PRKDC: variants seen among roughly 807,000 people sequenced by gnomAD.
The protein encoded by PRKDC is DNA-dependent protein kinase catalytic subunit.
In PRKDC, 82 loss-of-function variants were observed where a neutral mutation model predicts 486.9. That is an observed-to-expected ratio of 0.17 (90% CI 0.14 to 0.20). PRKDC has a LOEUF of 0.20. PRKDC is among the 10% of genes least tolerant of loss of function. The pLI, the probability that PRKDC is intolerant of heterozygous loss-of-function variation, is 1.00. For synonymous variants in PRKDC, 1,895 were observed against 1,837.0 expected (o/e 1.03, Z -0.81); for missense variants, 4,504 against 5,038.2 (o/e 0.89, Z 3.21).
Position 47,930,032 on chromosome 8 carries a change from A to G in PRKDC, c.1893-20T>C. 1 of 1,588,058 alleles carries G rather than the reference A, an allele frequency of 6.3e-7. No individual in the cohort carries two copies. On this transcript the variant is annotated intron_variant, in intron 17 of 85. Transcript: ENST00000314191. ...ATCTCTCTGTAAAAACAAATTAGAA[A>G]TTGAAGGTAGAAATTTGTATCATTC...
intron 54 of PRKDC, among the ~76,000 whole-genome samples, chr8:47,841,730 T>C (rs1589735204): frequency 1.3e-5 from 2 of 152,286 alleles, no homozygotes; most frequent in African/African-American, 4.8e-5. Flanking sequence ...AAGGCTGGTC[T>C]GGGAAGGGTG....
intron 21 of PRKDC, among the ~76,000 whole-genome samples, chr8:47,925,880 A>G (rs1031512904): frequency 2.0e-5 from 3 of 152,208 alleles, no homozygotes; most frequent in East Asian, 3.8e-4. Flanking sequence ...TGTTCCTGCA[A>G]TTGTTCTGGA....
chr8:47,861,003 C>A, intron 44 of PRKDC, 32 bp from the exon 45 acceptor site: 1 of 1,415,396 alleles, frequency 7.1e-7, no homozygotes, highest in South Asian at 1.3e-5. Flanking sequence ...CAATGTAAAA[C>A]ATTTTATAAT....
intron 25 of PRKDC, among the ~76,000 whole-genome samples, chr8:47,911,237 A>G (rs1445906351): frequency 6.6e-6 from 1 of 152,230 alleles, no homozygotes; most frequent in African/African-American, 2.4e-5. Context: ...GGCTCTGTCC[A>G]TGCAGAGTTT....
chr8:47,781,086 T>A (rs368765096), intron 80 of PRKDC, among the ~76,000 whole-genome samples: 1 of 152,202 alleles, frequency 6.6e-6, no homozygotes, highest in Non-Finnish European at 1.5e-5. Flanking sequence ...CTGGTACCTA[T>A]GTTAATCCTG....
chr8:47,946,039 C>A (rs1186422047), intron 7 of PRKDC, among the ~76,000 whole-genome samples: 2 of 150,042 alleles, frequency 1.3e-5, no homozygotes, highest in African/African-American at 4.9e-5. Flanking sequence ...ACTTTTTAAA[C>A]CCCCTCTTGG....
intron 43 of PRKDC, 104 bp downstream of exon 43, chr8:47,862,269 C>T (rs1447880864): frequency 7.2e-7 from 1 of 1,391,394 alleles, no homozygotes; most frequent in African/African-American, 1.5e-5. Flanking sequence ...AAACGAACCA[C>T]ATCTTTAATA....
chr8:47,810,549 T>C (rs2087304869), intron 68 of PRKDC, among the ~76,000 whole-genome samples: 1 of 152,116 alleles, frequency 6.6e-6, no homozygotes, highest in African/African-American at 2.4e-5. Flanking sequence ...AATTAACTGA[T>C]AAAAAGAATC....
At chr8:47,935,131 AAC>A (rs1371307011) in intron 13 of PRKDC, 73 bp from the exon 14 acceptor site, 3 of 1,074,398 alleles carry the variant, frequency 2.8e-6, no homozygotes, top group Middle Eastern at 2.2e-4. Flanking sequence ...AAAAAAAACA[AAC>A]AGTCATTATA....
intron 54 of PRKDC, among the ~76,000 whole-genome samples, 158 bp from the exon 55 acceptor site, chr8:47,840,347 G>A (rs2088112427): frequency 6.6e-6 from 1 of 152,242 alleles, no homozygotes; most frequent in Admixed American, 6.5e-5. Context: ...TCATGGACTA[G>A]ATTATCAAAT....
At chr8:47,836,575 T>C (rs2088030058) in intron 57 of PRKDC, 48 bp from the exon 58 acceptor site, 1 of 1,471,530 alleles carries the variant, frequency 6.8e-7, no homozygotes, top group Non-Finnish European at 9.3e-7. Context: ...AATGAAATAA[T>C]GCTCCTTTTT....
At chr8:47,774,999 C>A (rs539348415) in intron 85 of PRKDC, among the ~76,000 whole-genome samples, 1 of 151,982 alleles carries the variant, frequency 6.6e-6, no homozygotes, top group African/African-American at 2.4e-5. Flanking sequence ...ACCAGCCTGG[C>A]CAACATGGCG....
chr8:47,952,474 A>G (rs2090640540), intron 7 of PRKDC, among the ~76,000 whole-genome samples: 1 of 152,188 alleles, frequency 6.6e-6, no homozygotes, highest in African/African-American at 2.4e-5. Context: ...GAGATTAACT[A>G]TGGCTCTAAG....
rs2090286708 is a variant in PRKDC at position 47,933,175 on chromosome 8, T to G, written c.1624-3A>C. Reference sequence around the variant, plus strand: ...GCTTCATCTGCTAAAATAGAATCCTTTAAATAAAGAAAAACAATAAACTTC... The same window carrying G: ...GCTTCATCTGCTAAAATAGAATCCTGTAAATAAAGAAAAACAATAAACTTC... On this transcript the variant is annotated splice_polypyrimidine_tract_variant and splice_region_variant and intron_variant, in intron 15 of 85. Coordinates refer to ENST00000314191, the MANE Select transcript of PRKDC (RefSeq NM_006904.7). 1 of 1,486,148 alleles carries G rather than the reference T, an allele frequency of 6.7e-7. No individual in the cohort carries two copies. Among genetic ancestry groups the G allele is most frequent in the East Asian group, 2.5e-5 (1 of 40,094 alleles). 92.1% of individuals were successfully genotyped at this position (1,486,148 alleles called of 1,614,324 possible). A position where few individuals can be genotyped will look rare whatever the true frequency, so the allele number is the denominator to read the frequency against.
intron 34 of PRKDC, 85 bp from the exon 35 acceptor site, chr8:47,887,790 C>A (rs1022685805): frequency 7.2e-7 from 1 of 1,394,992 alleles, no homozygotes; most frequent in Non-Finnish European, 9.6e-7. Flanking sequence ...AAATAAAAAA[C>A]CCACTTCAGA....
chr8:47,896,032 CTG>C (rs2089573491), intron 30 of PRKDC, among the ~76,000 whole-genome samples: 2 of 152,066 alleles, frequency 1.3e-5, no homozygotes, highest in African/African-American at 4.8e-5. Flanking sequence ...GAGCAAGACT[CTG>C]TCTCGGGGGA....
intron 3 of PRKDC, 77 bp from the exon 4 acceptor site, chr8:47,956,025 T>C: frequency 9.3e-7 from 1 of 1,075,402 alleles, no homozygotes; most frequent in Non-Finnish European, 1.4e-6. Context: ...TGAAACTACT[T>C]CTCCAAGAGG....
rs771387184 is a variant in PRKDC, at chr8:47,902,807, CAA to C, written c.3043-14_3043-13del. ...TCCACAATTCCATCCTGAAACAAAA[CAA>C]AGAGACCTTGATTGTACTAATTTTT... is the stretch of plus-strand genomic sequence containing the variant. On this transcript the variant is annotated splice_polypyrimidine_tract_variant and intron_variant, in intron 26 of 85. Transcript: ENST00000314191. The C allele has an allele frequency of 5.7e-6, 9 of 1,585,882 alleles. No individual in the cohort carries two copies. Among genetic ancestry groups the C allele is most frequent in the Non-Finnish European group, 6.0e-6 (7 of 1,166,730 alleles).
intron 21 of PRKDC, among the ~76,000 whole-genome samples, chr8:47,926,454 G>A (rs938585903): frequency 2.6e-5 from 4 of 151,920 alleles, no homozygotes; most frequent in African/African-American, 9.7e-5. Flanking sequence ...TTTTTTTTCT[G>A]TATTTCTTTT....
Sources: allele counts gnomAD v4.1 joint callset (sites outside exome capture counted in the v4.1 genomes callset), GRCh38; gene constraint gnomAD v4.1.1; transcripts MANE v1.5; gene names NCBI Gene and HGNC (gene_info 2026-07-23, HGNC 2026-07-21).